The following JAKMIP3 variants were observed in gnomAD, a reference collection of about 807,000 sequenced individuals.
JAKMIP3 encodes janus kinase and microtubule-interacting protein 3.
A neutral mutation model predicts 118.5 loss-of-function variants in JAKMIP3; 58 were observed. That is an observed-to-expected ratio of 0.49 (90% confidence interval 0.40 to 0.61). The LOEUF is 0.61. Among genes scored for constraint, JAKMIP3 ranks in the 20% least tolerant of loss-of-function variants. The probability of loss-of-function intolerance (pLI) is 0.00; values close to 1 mark genes in which losing one functional copy is unlikely to be tolerated. For synonymous variants in JAKMIP3, 486 were observed against 451.2 expected, an observed-to-expected ratio of 1.08 and a Z score of -0.98; for missense variants, 950 against 1,109.0, an observed-to-expected ratio of 0.86 and a Z score of 2.04.
intron 1 of JAKMIP3, among the ~76,000 whole-genome samples, chr10:132,074,485 C>CT (rs1216432616): frequency 6.6e-6 from 1 of 152,096 alleles, no homozygotes; most frequent in Non-Finnish European, 1.5e-5. Context: ...GTTTGTCTGT[C>CT]TTTTGAATAA....
At chr10:132,115,465 C>G (rs1452282473) in intron 2 of JAKMIP3, among the ~76,000 whole-genome samples, 1 of 152,214 alleles carries the variant, frequency 6.6e-6, no homozygotes, top group Non-Finnish European at 1.5e-5. Flanking sequence ...GGCGCCACAG[C>G]CCTGATCTTG....
At chr10:132,136,348 G>A (rs530951182) in intron 6 of JAKMIP3, among the ~76,000 whole-genome samples, 6 of 152,334 alleles carry the variant, frequency 3.9e-5, no homozygotes, top group East Asian at 1.9e-4. Flanking sequence ...TCACTCAAGG[G>A]CCTGGAACAG....
chr10:132,048,800 CTAAT>C lies in JAKMIP3; in HGVS notation c.-138+12064_-138+12067del, dbSNP rs913467928. On this transcript the variant is annotated intron_variant, in intron 1 of 23. Transcript: ENST00000657785. ...TACAGGCACCCGCCACCACCCCCGA[CTAAT>C]TTTTTTTTGTATTTTTTGGTAGAGA... Among the ~76,000 whole-genome samples, 18 of 93,790 alleles carry C rather than the reference CTAAT, an allele frequency of 1.9e-4. No individual in the cohort carries two copies. In the Admixed American group the frequency reaches 2.2e-3, roughly 12 times the overall value. 61.5% of individuals were successfully genotyped at this position (93,790 alleles called of 152,430 possible).
At chr10:132,072,732 G>A (rs1384307954) in intron 1 of JAKMIP3, among the ~76,000 whole-genome samples, 5 of 151,494 alleles carry the variant, frequency 3.3e-5, no homozygotes, top group Non-Finnish European at 7.4e-5. Context: ...TCCATTCTTG[G>A]CCTCTATTCA....
At chr10:132,095,134 C>T (rs1339612987) in intron 1 of JAKMIP3, among the ~76,000 whole-genome samples, 1 of 152,214 alleles carries the variant, frequency 6.6e-6, no homozygotes, top group Non-Finnish European at 1.5e-5. Flanking sequence ...GGGTTGAGAA[C>T]GTGCCCCAGG....
intron 1 of JAKMIP3, among the ~76,000 whole-genome samples, chr10:132,072,624 G>A (rs992986710): frequency 2.6e-5 from 4 of 152,092 alleles, no homozygotes; most frequent in East Asian, 1.9e-4. Context: ...TTAGTGATGC[G>A]ATTGGATTTA....
At chr10:132,164,403 C>G (rs568489817) in intron 20 of JAKMIP3, among the ~76,000 whole-genome samples, 1 of 152,260 alleles carries the variant, frequency 6.6e-6, no homozygotes, top group Admixed American at 6.5e-5. Context: ...ATTTCCCTGG[C>G]TGTCAGGCGT....
chr10:132,163,768 G>A (rs893200332), intron 20 of JAKMIP3, among the ~76,000 whole-genome samples: 7 of 152,258 alleles, frequency 4.6e-5, no homozygotes, highest in Admixed American at 1.3e-4. Context: ...TGTCCTGGGC[G>A]TGTTGCGGAG....
chr10:132,041,229 C>G (rs1247610316), intron 1 of JAKMIP3, among the ~76,000 whole-genome samples: 1 of 152,186 alleles, frequency 6.6e-6, no homozygotes, highest in Admixed American at 6.5e-5. Context: ...CTAATTGACA[C>G]CACATTTTCT....
chr10:132,115,042 C>G (rs912804569), intron 2 of JAKMIP3, among the ~76,000 whole-genome samples: 1 of 152,144 alleles, frequency 6.6e-6, no homozygotes, highest in South Asian at 2.1e-4. Context: ...CTGCTGTGAT[C>G]GGGCGAGGGT....
intron 22 of JAKMIP3, 97 bp from the exon 23 acceptor site, chr10:132,167,842 GCCCCTCGCCCCTCA>G (rs1305075848): frequency 1.8e-4 from 112 of 630,816 alleles, no homozygotes; most frequent in South Asian, 1.7e-5. Context: ...CTCGGCCCTC[GCCCCTCGCCCCTCA>G]CCCCTCGGCC....
intron 1 of JAKMIP3, among the ~76,000 whole-genome samples, chr10:132,102,920 T>C (rs1268987654): frequency 8.0e-6 from 1 of 125,476 alleles, no homozygotes; most frequent in African/African-American, 3.1e-5. Flanking sequence ...GATGCAGGAG[T>C]GATGGGGGCC....
At chr10:132,161,169 G>A (rs746914237) in intron 19 of JAKMIP3, among the ~76,000 whole-genome samples, 31 of 20,250 alleles carry the variant, frequency 1.5e-3, no homozygotes, top group Middle Eastern at 0.038. Context: ...GCCTCTTCCT[G>A]TGTGATGCTG....
rs1565019226 is a variant in JAKMIP3 at position 132,180,612 on chromosome 10, T to TGC, written c.*1104-1744_*1104-1743insCG. 1.7e-3 allele frequency among the ~76,000 whole-genome samples: 39 copies of TGC among 23,196 alleles called. 2 individuals carry two copies. Among genetic ancestry groups the TGC allele is most frequent in the African/African-American group, 6.5e-3 (35 of 5,346 alleles). 15.2% of individuals were successfully genotyped at this position (23,196 alleles called of 152,430 possible). A position where few individuals can be genotyped will look rare whatever the true frequency, so the allele number is the denominator to read the frequency against. On this transcript the variant is annotated intron_variant, in intron 23 of 23. Transcript: ENST00000684848. ...GTGTGTGTGTGCGTGCGCGTGTGTG[T>TGC]GTGCGTGTGTGTGCGTGTGTGCGTG...
intron 1 of JAKMIP3, among the ~76,000 whole-genome samples, chr10:132,097,756 T>G (rs1046880753): frequency 2.0e-5 from 3 of 150,636 alleles, no homozygotes; most frequent in African/African-American, 4.9e-5. Context: ...TAAAAGTTTT[T>G]TTTTTTTTTT....
At chr10:132,136,248 C>T (rs868354099) in intron 6 of JAKMIP3, among the ~76,000 whole-genome samples, 172 bp downstream of exon 6, 18 of 152,250 alleles carry the variant, frequency 1.2e-4, no homozygotes, top group Admixed American at 3.3e-4. Flanking sequence ...CCAAGCCCAG[C>T]CCTGGGGAGG....
At chr10:132,165,532 A>G (rs1185341272) in intron 21 of JAKMIP3, among the ~76,000 whole-genome samples, 5 of 152,190 alleles carry the variant, frequency 3.3e-5, no homozygotes, top group African/African-American at 1.2e-4. Flanking sequence ...CGAGGGCTGA[A>G]TGAAATGGTC....
chr10:132,047,696 AGGCTGGCGGTGTACGGAGCTGTGCGCC>A (rs1564850364), intron 1 of JAKMIP3, among the ~76,000 whole-genome samples: 13 of 48,706 alleles, frequency 2.7e-4, no homozygotes, highest in African/African-American at 9.8e-4. Context: ...CGCCCCCCGC[AGGCTGGCGGTGTACGGAGCTGTGCGCC>A]CCCACCGCGC....
chr10:132,072,675 C>T (rs1421382000), intron 1 of JAKMIP3, among the ~76,000 whole-genome samples: 1 of 152,110 alleles, frequency 6.6e-6, no homozygotes, highest in Non-Finnish European at 1.5e-5. Flanking sequence ...AATATTATCT[C>T]TTCTTGCCTT....
Sources: gnomAD v4.1 joint callset for allele counts (sites outside exome capture counted in the v4.1 genomes callset) on GRCh38, gnomAD v4.1.1 for gene constraint, MANE v1.5 for transcripts, NCBI Gene and HGNC (gene_info 2026-07-23, HGNC 2026-07-21) for gene names.